NELL1: variants seen among roughly 807,000 people sequenced by gnomAD.
NELL1 encodes the protein protein kinase C-binding protein NELL1.
In NELL1, 76 loss-of-function variants were observed where a neutral mutation model predicts 107.4. That is an observed-to-expected ratio of 0.71 (90% confidence interval 0.59 to 0.86). The LOEUF (loss-of-function observed/expected upper bound fraction) is 0.86. Ranked by LOEUF, NELL1 falls within the 40% of genes least tolerant of loss-of-function variation. NELL1 has a pLI of 0.00. For synonymous variants in NELL1, 353 were observed against 341.2 expected (o/e 1.03, Z -0.38); for missense variants, 1,024 against 1,005.5 (o/e 1.02, Z -0.25).
At chr11:20,720,086 G>T (rs1429563894) in intron 2 of NELL1, among the ~76,000 whole-genome samples, 2 of 151,904 alleles carry the variant, frequency 1.3e-5, no homozygotes, top group Non-Finnish European at 2.9e-5. Context: ...CCTTTTTCAG[G>T]TTTATCTTTT....
intron 14 of NELL1, among the ~76,000 whole-genome samples, chr11:21,363,673 T>G (rs1851138500): frequency 6.6e-6 from 1 of 152,198 alleles, no homozygotes; most frequent in African/African-American, 2.4e-5. Flanking sequence ...CTTTAAATGT[T>G]TATCTCAAAT....
intron 12 of NELL1, among the ~76,000 whole-genome samples, chr11:21,003,466 G>C (rs572478024): frequency 1.3e-5 from 2 of 152,266 alleles, no homozygotes; most frequent in African/African-American, 4.8e-5. Flanking sequence ...GTTTAGGCTT[G>C]CAGAAGTATT....
At position 20,786,254 on chromosome 11, in the gene NELL1, G is replaced by A. The variant is rs1856953277; in HGVS notation, c.335+2424G>A. On this transcript the variant is annotated intron_variant, in intron 3 of 19. Coordinates refer to ENST00000357134, the MANE Select transcript of NELL1 (RefSeq NM_006157.5). ...AATCCCAGCTACTCGGGAGGCTGAG[G>A]CAGGAGAATCGCTTGAACTCAGGAG... 2.0e-5 allele frequency among the ~76,000 whole-genome samples: 3 copies of A among 151,730 alleles called. No homozygotes were observed. The South Asian group carries it at 6.3e-4, about 32-fold the overall frequency.
chr11:21,508,159 G>A (rs76868694), intron 15 of NELL1, among the ~76,000 whole-genome samples: 21,407 of 151,888 alleles, frequency 0.14, 1,669 homozygotes, highest in Non-Finnish European at 0.17. Context: ...AAGAGACAAG[G>A]CACAAATTAT....
intron 14 of NELL1, among the ~76,000 whole-genome samples, chr11:21,288,385 A>T (rs1849174969): frequency 6.6e-6 from 1 of 152,222 alleles, no homozygotes; most frequent in South Asian, 2.1e-4. Flanking sequence ...CTTAGCCTTT[A>T]TCAGTTTACT....
At chr11:21,204,449 T>G (rs1432009742) in intron 13 of NELL1, among the ~76,000 whole-genome samples, 2 of 151,998 alleles carry the variant, frequency 1.3e-5, no homozygotes, top group Non-Finnish European at 2.9e-5. Flanking sequence ...TGCTGTGTTT[T>G]TCAGCTCCAT....
intron 15 of NELL1, among the ~76,000 whole-genome samples, chr11:21,430,166 C>T (rs1464299674): frequency 6.6e-6 from 1 of 152,122 alleles, no homozygotes; most frequent in Non-Finnish European, 1.5e-5. Context: ...AAATGTAACA[C>T]CTGTCTAGCT....
intron 9 of NELL1, among the ~76,000 whole-genome samples, chr11:20,937,311 A>G (rs2134184839): frequency 6.6e-6 from 1 of 152,166 alleles, no homozygotes; most frequent in South Asian, 2.1e-4. Context: ...TCACATGTGT[A>G]TTTCTCACGC....
chr11:20,924,044 A>G (rs1850437278), intron 7 of NELL1, among the ~76,000 whole-genome samples: 1 of 152,204 alleles, frequency 6.6e-6, no homozygotes, highest in African/African-American at 2.4e-5. Context: ...AAATGCATAA[A>G]CAAGAGGTAG....
chr11:20,891,071 G>C (rs562098334), intron 5 of NELL1, among the ~76,000 whole-genome samples: 1 of 152,192 alleles, frequency 6.6e-6, no homozygotes, highest in East Asian at 1.9e-4. Context: ...GCTTCACGAA[G>C]GTTGAAATGA....
In NELL1 at chr11:21,575,012, A is replaced by T; in HGVS notation, c.2423A>T (p.Gln808Leu). ...TGTTCTGTGGATTTTGAGTGTCTTC[A>T]AAATAATTGAAGTATTTACAGTGGA... The part of the protein sequence containing the change: ...VCCSVDFECL[Q>L]NN The change falls in exon 20 of 20, where the codon CAA becomes CTA. Residue 808 changes from glutamine (Q) to leucine (L), a missense_variant. Gln to Leu is a moderately radical substitution (Grantham distance 113, BLOSUM62 -2). Transcript: ENST00000357134. The T allele has an allele frequency of 6.2e-7, 1 of 1,610,190 alleles. No homozygotes were observed. Among genetic ancestry groups the T allele is most frequent in the Non-Finnish European group, 8.5e-7 (1 of 1,177,282 alleles).
intron 13 of NELL1, among the ~76,000 whole-genome samples, chr11:21,197,569 C>T (rs1055045061): frequency 1.3e-5 from 2 of 152,160 alleles, no homozygotes; most frequent in Non-Finnish European, 2.9e-5. Flanking sequence ...ATTGAAGTTC[C>T]CAGGGCAATT....
intron 15 of NELL1, among the ~76,000 whole-genome samples, chr11:21,428,340 A>C (rs1852883970): frequency 2.0e-5 from 3 of 152,200 alleles, no homozygotes; most frequent in Non-Finnish European, 4.4e-5. Flanking sequence ...AGTACAAATA[A>C]TTTTCTGGAA....
rs1189751172 is a variant in NELL1 at position 21,573,339 on chromosome 11, A to G, written c.2312A>G (p.Tyr771Cys). The change falls in exon 19 of 20, where the codon TAT (tyrosine) becomes TGT (cysteine). Residue 771 changes from tyrosine (Y) to cysteine (C), a missense_variant. Tyr to Cys is a radical substitution (Grantham distance 194). Transcript: ENST00000357134. The part of the protein sequence containing the change: ...YDIRKTCLDS[Y>C]GVSRLSGSVW... The stretch of plus-strand genomic sequence containing the variant: ...ATCAGAAAAACTTGCCTGGACAGCT[A>G]TGGTGTTTCACGGCTTAGTGGCTCA... 9.3e-6 allele frequency: 15 copies of G among 1,612,352 alleles called. No homozygotes were observed. Among genetic ancestry groups the G allele is most frequent in the South Asian group, 6.6e-5 (6 of 91,072 alleles).
At chr11:20,778,241 A>G (rs1433730626) in intron 2 of NELL1, among the ~76,000 whole-genome samples, 2 of 152,154 alleles carry the variant, frequency 1.3e-5, no homozygotes, top group Non-Finnish European at 2.9e-5. Context: ...AACTATTGTC[A>G]TAAGGAAACT....
intron 13 of NELL1, among the ~76,000 whole-genome samples, chr11:21,225,498 C>T (rs1857871170): frequency 6.6e-6 from 1 of 152,070 alleles, no homozygotes; most frequent in South Asian, 2.1e-4. Flanking sequence ...CTCTGTAATG[C>T]CTTTTTAAGT....
chr11:21,462,710 G>A (rs766997874), intron 15 of NELL1, among the ~76,000 whole-genome samples: 10 of 151,994 alleles, frequency 6.6e-5, no homozygotes, highest in Admixed American at 1.3e-4. Flanking sequence ...TTTCTCAGTC[G>A]GAGGTGATGA....
chr11:21,024,136 G>C (rs1852761505), intron 12 of NELL1, among the ~76,000 whole-genome samples: 1 of 152,060 alleles, frequency 6.6e-6, no homozygotes, highest in Non-Finnish European at 1.5e-5. Flanking sequence ...TGATGTTCCA[G>C]AATGTGGAAA....
chr11:21,202,562 T>A lies in NELL1; in HGVS notation c.1427-26770T>A, dbSNP rs190313916. Among the ~76,000 whole-genome samples, 446 of 152,246 alleles carry A rather than the reference T, an allele frequency of 2.9e-3. 1 individual carries two copies. The highest frequency in any genetic ancestry group is 4.8e-3 in the Non-Finnish European group (325 of 68,010). On this transcript the variant is annotated intron_variant, in intron 13 of 19. Coordinates refer to ENST00000357134, the MANE Select transcript of NELL1 (RefSeq NM_006157.5). ...TAGTGGTATATCTATTTTGTTGATCTTTTCAAAAAACCACCTCCTGGATTC... is the reference window on the plus strand; with the variant it reads ...TAGTGGTATATCTATTTTGTTGATCATTTCAAAAAACCACCTCCTGGATTC...
Sources: allele counts gnomAD v4.1 joint callset (sites outside exome capture counted in the v4.1 genomes callset), GRCh38; gene constraint gnomAD v4.1.1; transcripts MANE v1.5; gene names NCBI Gene and HGNC (gene_info 2026-07-23, HGNC 2026-07-21).